MBTPS1: variants seen among roughly 807,000 people sequenced by gnomAD.
MBTPS1 encodes membrane bound transcription factor peptidase, site 1.
A neutral mutation model predicts 127.8 loss-of-function variants in MBTPS1; 94 were observed. The ratio of observed to expected loss-of-function variants is 0.74; its 90% confidence interval spans 0.62 to 0.87. The LOEUF (loss-of-function observed/expected upper bound fraction) is 0.87. Among genes scored for constraint, MBTPS1 ranks in the 40% least tolerant of loss-of-function variants. The pLI is 0.00. For missense variants in MBTPS1, 1,636 were observed against 1,353.2 expected (o/e 1.21, Z -3.28); for synonymous variants, 632 against 509.4 (o/e 1.24, Z -3.24).
chr16:84,098,811 T>C lies in MBTPS1; in HGVS notation c.421+242A>G, dbSNP rs534318668. Among the ~76,000 whole-genome samples the C allele has an allele frequency of 2.8e-4, 42 of 152,130 alleles. 1 individual carries two copies. Among genetic ancestry groups the C allele is most frequent in the African/African-American group, 8.9e-4 (37 of 41,474 alleles). On this transcript the variant is annotated intron_variant, in intron 3 of 22. Coordinates refer to ENST00000343411, the MANE Select transcript of MBTPS1 (RefSeq NM_003791.4). ...CACTACCATCTACTACTGCAAACCC[T>C]CAGATTTTCTTCTACCAGAACAGTA... is the stretch of plus-strand genomic sequence containing the variant.
intron 1 of MBTPS1, among the ~76,000 whole-genome samples, chr16:84,105,124 GA>G (rs1435800428): frequency 1.3e-5 from 2 of 151,496 alleles, no homozygotes; most frequent in East Asian, 1.9e-4. Flanking sequence ...ATAAATAAAT[GA>G]AAAAAACTCT....
chr16:84,085,257 G>A lies in MBTPS1; in HGVS notation c.1135-123C>T, dbSNP rs2086003747. ...TTAAAAACTGTATAACCTTAGGAAGGTACTGGTTTTAGTCTGAAATTCACT... is the reference window on the plus strand; with the variant it reads ...TTAAAAACTGTATAACCTTAGGAAGATACTGGTTTTAGTCTGAAATTCACT... On this transcript the variant is annotated intron_variant, in intron 9 of 22. Coordinates refer to ENST00000343411, the MANE Select transcript of MBTPS1 (RefSeq NM_003791.4). The A allele has an allele frequency of 3.0e-6, 3 of 994,140 alleles. No homozygotes were observed. In the East Asian group the frequency reaches 7.9e-5, roughly 26 times the overall value. 61.6% of individuals were successfully genotyped at this position (994,140 alleles called of 1,614,324 possible).
At chr16:84,069,796 T>C (rs914531820) in intron 14 of MBTPS1, 70 bp downstream of exon 14, 4 of 1,372,844 alleles carry the variant, frequency 2.9e-6, no homozygotes, top group Non-Finnish European at 4.0e-6. Flanking sequence ...TTCCAAGAGT[T>C]GCGGGAACAG....
chr16:84,077,578 T>C (rs1289400605), intron 11 of MBTPS1, among the ~76,000 whole-genome samples: 3 of 152,028 alleles, frequency 2.0e-5, no homozygotes, highest in African/African-American at 7.3e-5. Context: ...CTCCAAACAA[T>C]ACACAAAAAT....
chr16:84,059,557 T>A, intron 20 of MBTPS1, 129 bp from the exon 21 acceptor site: 1 of 809,174 alleles, frequency 1.2e-6, no homozygotes, highest in Non-Finnish European at 1.9e-6. Context: ...TGTGCTCTAT[T>A]AAGCTATCCT....
intron 6 of MBTPS1, among the ~76,000 whole-genome samples, chr16:84,092,587 G>T (rs1479996221): frequency 2.0e-5 from 3 of 152,122 alleles, no homozygotes; most frequent in Non-Finnish European, 4.4e-5. Flanking sequence ...GACAGGGGTG[G>T]GGGTCTCACT....
chr16:84,084,752 C>T (rs1159586477), intron 10 of MBTPS1, among the ~76,000 whole-genome samples: 1 of 152,198 alleles, frequency 6.6e-6, no homozygotes, highest in Non-Finnish European at 1.5e-5. Context: ...CCTATCAGCA[C>T]TTTGTTTACT....
rs1299459517 is a variant in MBTPS1, at chr16:84,070,784, A to G, written c.1594-8T>C. 2 of 1,596,072 alleles carry G rather than the reference A, an allele frequency of 1.3e-6. No individual in the cohort carries two copies. Among genetic ancestry groups the G allele is most frequent in the African/African-American group, 1.4e-5 (1 of 73,866 alleles). ...ATAGGGCTGCCAGTCAGGCTGCAGGAAAAAGAAATCAGACAAAGGCTAAAG... is the reference window on the plus strand; with the variant it reads ...ATAGGGCTGCCAGTCAGGCTGCAGGGAAAAGAAATCAGACAAAGGCTAAAG... On this transcript the variant is annotated splice_polypyrimidine_tract_variant and splice_region_variant and intron_variant, in intron 12 of 22. Coordinates refer to ENST00000343411, the MANE Select transcript of MBTPS1 (RefSeq NM_003791.4).
intron 3 of MBTPS1, among the ~76,000 whole-genome samples, chr16:84,098,621 A>G (rs192252899): frequency 7.6e-4 from 115 of 152,280 alleles, no homozygotes; most frequent in African/African-American, 2.6e-3. Flanking sequence ...AAAATAAATA[A>G]ATAAAAAGGA....
chr16:84,112,016 C>T (rs1249264246), intron 1 of MBTPS1, among the ~76,000 whole-genome samples: 2 of 151,842 alleles, frequency 1.3e-5, no homozygotes, highest in African/African-American at 2.4e-5. Flanking sequence ...GCCTGGCCAA[C>T]ATAGCAAAAC....
intron 2 of MBTPS1, 119 bp from the exon 3 acceptor site, chr16:84,099,429 G>C: frequency 1.0e-6 from 1 of 995,486 alleles, no homozygotes; most frequent in Non-Finnish European, 1.4e-6. Flanking sequence ...CACAGCAGAC[G>C]AGAGAAAACA....
Position 84,054,526 on chromosome 16 carries a change from G to C in MBTPS1, c.3082C>G (p.Pro1028Ala). ...VVQINKAKSR[P>A]KRRKPRVKRP... Reference sequence around the variant, plus strand: ...TTCACCCTGGGCTTCCTCCGCTTCGGCCTGCTCTTGGCCTTGTTGATTTGT... The same window carrying C: ...TTCACCCTGGGCTTCCTCCGCTTCGCCCTGCTCTTGGCCTTGTTGATTTGT... The change falls in exon 23 of 23, where the codon CCG becomes GCG. Residue 1028 changes from proline (P) to alanine (A), a missense_variant. Coordinates refer to ENST00000343411, the MANE Select transcript of MBTPS1 (RefSeq NM_003791.4). The C allele has an allele frequency of 6.2e-7, 1 of 1,613,910 alleles. No individual in the cohort carries two copies. The highest frequency in any genetic ancestry group is 8.5e-7 in the Non-Finnish European group (1 of 1,179,896).
At chr16:84,061,869 A>T (rs1021009269) in intron 19 of MBTPS1, among the ~76,000 whole-genome samples, 3 of 152,152 alleles carry the variant, frequency 2.0e-5, no homozygotes, top group African/African-American at 7.2e-5. Flanking sequence ...CCTGGACTAG[A>T]CAAGATCCGT....
In MBTPS1 at chr16:84,054,215, G is replaced by C; in HGVS notation, c.*234C>G. ...TGGTGCGCACAGCTGCCGGCGGGAAGTCTCACTGGCGGCAGAGCCACTAAG... is the reference window on the plus strand; with the variant it reads ...TGGTGCGCACAGCTGCCGGCGGGAACTCTCACTGGCGGCAGAGCCACTAAG... On this transcript the variant is annotated 3_prime_UTR_variant, in exon 23 of 23. Coordinates refer to ENST00000343411, the MANE Select transcript of MBTPS1 (RefSeq NM_003791.4). 1 of 369,316 alleles carries C rather than the reference G, an allele frequency of 2.7e-6. No individual in the cohort carries two copies. Among genetic ancestry groups the C allele is most frequent in the Non-Finnish European group, 4.9e-6 (1 of 205,212 alleles). The allele number at this position is 369,316 out of a possible 1,614,324, so 22.9% of individuals were successfully genotyped here. A position where few individuals can be genotyped will look rare whatever the true frequency, so the allele number is the denominator to read the frequency against.
At chr16:84,105,619 C>T (rs1363632458) in intron 1 of MBTPS1, among the ~76,000 whole-genome samples, 1 of 152,188 alleles carries the variant, frequency 6.6e-6, no homozygotes, top group Non-Finnish European at 1.5e-5. Flanking sequence ...AGGATCAGCA[C>T]TGCCCAGCCT....
chr16:84,072,022 C>A (rs1280350228), intron 12 of MBTPS1: 1 of 152,244 alleles, frequency 6.6e-6, no homozygotes, highest in Non-Finnish European at 1.5e-5. Context: ...CCCGTTTTAC[C>A]CCCATCTAAG....
chr16:84,082,000 G>C (rs911532604), intron 10 of MBTPS1, 92 bp from the exon 11 acceptor site: 19 of 929,598 alleles, frequency 2.0e-5, no homozygotes, highest in Non-Finnish European at 2.8e-5. Context: ...GCACACAAGA[G>C]GCCTGCAGTC....
At chr16:84,091,001 A>T in intron 7 of MBTPS1, 59 bp from the exon 8 acceptor site, 1 of 400,276 alleles carries the variant, frequency 2.5e-6, no homozygotes, top group Non-Finnish European at 3.7e-6. Context: ...ATAACTGTCA[A>T]AAAAAAAAAA....
chr16:84,076,351 A>G (rs1430402446), intron 11 of MBTPS1, among the ~76,000 whole-genome samples: 4 of 152,188 alleles, frequency 2.6e-5, no homozygotes, highest in Admixed American at 1.3e-4. Flanking sequence ...TAACGGAGAA[A>G]TACAAGAGGC....
Sources: allele counts gnomAD v4.1 joint callset (sites outside exome capture counted in the v4.1 genomes callset), GRCh38; gene constraint gnomAD v4.1.1; transcripts MANE v1.5; gene names NCBI Gene and HGNC (gene_info 2026-07-23, HGNC 2026-07-21).